Variants in CDKL1 observed in about 807,000 individuals in gnomAD.
CDKL1 encodes the protein cyclin dependent kinase like 1, also known as cyclin-dependent kinase-like 1.
CDKL1 carries 41 observed loss-of-function variants against 42.0 expected under a neutral mutation model. The ratio of observed to expected loss-of-function variants is 0.98; its 90% CI spans 0.76 to 1.27. The LOEUF (loss-of-function observed/expected upper bound fraction) is 1.27. CDKL1 is among the 50% of genes most tolerant of loss of function. The pLI, the probability that CDKL1 is intolerant of heterozygous loss-of-function variation, is 0.00. For synonymous variants in CDKL1, 153 were observed against 158.6 expected (o/e 0.96, Z 0.26); for missense variants, 394 against 428.4 (o/e 0.92, Z 0.71).
At position 50,329,742 on chromosome 14, in the gene CDKL1, G is replaced by T. The variant is rs2032835377; in HGVS notation, c.*332C>A. On this transcript the variant is annotated 3_prime_UTR_variant, in exon 10 of 10. Transcript: ENST00000395834. ...GTTCATTTTTCTTGTGTGGCATGTGGTACAACTGAAGCATAAATCTTTTTG... is the reference window on the plus strand; with the variant it reads ...GTTCATTTTTCTTGTGTGGCATGTGTTACAACTGAAGCATAAATCTTTTTG... 2 of 212,858 alleles carry T rather than the reference G, an allele frequency of 9.4e-6. No individual in the cohort carries two copies. Among genetic ancestry groups the T allele is most frequent in the African/African-American group, 4.7e-5 (2 of 42,294 alleles). 13.2% of individuals were successfully genotyped at this position (212,858 alleles called of 1,614,324 possible). A position where few individuals can be genotyped will look rare whatever the true frequency, so the allele number is the denominator to read the frequency against.
At chr14:50,336,284 G>A (rs1417844456) in intron 7 of CDKL1, 34 of 1,226,360 alleles carry the variant, frequency 2.8e-5, no homozygotes, top group Non-Finnish European at 3.5e-5. Context: ...TCTGTCAACA[G>A]GAAATCTGCA....
At chr14:50,366,255 C>A (rs1337945186) in intron 2 of CDKL1, among the ~76,000 whole-genome samples, 2 of 152,090 alleles carry the variant, frequency 1.3e-5, no homozygotes, top group Admixed American at 1.3e-4. Flanking sequence ...AGAAACTGGC[C>A]CTGAGGAAGT....
Position 50,395,702 on chromosome 14 carries a change from T to C in CDKL1, c.167A>G (p.Lys56Arg), listed in dbSNP as rs2035377825. 1.2e-6 allele frequency: 2 copies of C among 1,602,880 alleles called. No individual in the cohort carries two copies. The highest frequency in any genetic ancestry group is 2.2e-5 in the South Asian group (2 of 90,622). Residue 56 changes from lysine (K) to arginine (R), a missense_variant and splice_region_variant, in exon 2 of 10, where the codon AAG becomes AGG. Transcript: ENST00000395834. ...AAAAAGGAAAAGTGAATCAATTACC[T>C]TGAGCATTCGGATTTCCCGAAGGGC... ...KIALREIRML[K>R]QLKHPNLVNL...
intron 6 of CDKL1, among the ~76,000 whole-genome samples, chr14:50,339,526 G>A (rs2033434108): frequency 7.1e-6 from 1 of 140,518 alleles, no homozygotes; most frequent in Non-Finnish European, 1.5e-5. Context: ...GGGAGGAAGA[G>A]AGGGAGGGAG....
At position 50,328,358 on chromosome 14, in the gene CDKL1, A is replaced by G. The variant is rs188625823; in HGVS notation, c.*1716T>C. 2 of 152,306 alleles carry G rather than the reference A, an allele frequency of 1.3e-5. No homozygotes were observed. Among genetic ancestry groups the G allele is most frequent in the Admixed American group, 1.3e-4 (2 of 15,300 alleles). The allele number at this position is 152,306 out of a possible 1,614,324, so 9.4% of individuals were successfully genotyped here. The stretch of plus-strand genomic sequence containing the variant: ...CAGGTCTAGGCAAGAAAAGACATAC[A>G]TTAGGAAGCCTTAGGATATCATTAA... On this transcript the variant is annotated 3_prime_UTR_variant, in exon 10 of 10. Coordinates refer to ENST00000395834, the MANE Select transcript of CDKL1 (RefSeq NM_004196.7).
chr14:50,378,029 T>C (rs2034784418), intron 2 of CDKL1: 1 of 724,586 alleles, frequency 1.4e-6, no homozygotes, highest in Admixed American at 3.6e-5. Flanking sequence ...GTCAGGGCTA[T>C]GGTGAGAAAA....
intron 2 of CDKL1, among the ~76,000 whole-genome samples, chr14:50,359,371 G>C (rs968825900): frequency 6.6e-6 from 1 of 151,988 alleles, no homozygotes; most frequent in Admixed American, 6.6e-5. Context: ...GCAAAGAGAG[G>C]TATAAGAAGG....
At chr14:50,392,614 C>T (rs138003231) in intron 2 of CDKL1, among the ~76,000 whole-genome samples, 1,888 of 152,064 alleles carry the variant, frequency 0.012, 32 homozygotes, top group Non-Finnish European at 0.015. Context: ...ACCTTTAGTA[C>T]CTGTCCCTCC....
At chr14:50,343,155 CTTTTT>C (rs3049935) in intron 4 of CDKL1, 71 of 293,880 alleles carry the variant, frequency 2.4e-4, no homozygotes, top group South Asian at 7.6e-4. Context: ...TTAAGAGTTA[CTTTTT>C]TTTTTTTTTT....
intron 3 of CDKL1, among the ~76,000 whole-genome samples, chr14:50,345,504 C>T (rs184805320): frequency 4.6e-5 from 7 of 152,304 alleles, no homozygotes; most frequent in Non-Finnish European, 5.9e-5. Flanking sequence ...GACTCATCTT[C>T]CATGTGTGGG....
chr14:50,397,115 G>GC, upstream of CDKL1: 6 of 1,363,802 alleles, frequency 4.4e-6, no homozygotes, highest in Non-Finnish European at 5.9e-6. Flanking sequence ...AACTTCCGCA[G>GC]GCCGTGCAAA....
intron 8 of CDKL1, chr14:50,332,686 C>G (rs780872652): frequency 1.6e-4 from 243 of 1,533,308 alleles, no homozygotes; most frequent in Middle Eastern, 6.7e-4. Context: ...GCAATTGGTA[C>G]TCTGCCCTGG....
upstream of CDKL1, chr14:50,396,911 A>C (rs990107396): frequency 3.5e-6 from 1 of 286,824 alleles, no homozygotes; most frequent in Non-Finnish European, 6.1e-6. Flanking sequence ...CGCGATCCCT[A>C]TGGGAACCGG....
intron 2 of CDKL1, among the ~76,000 whole-genome samples, chr14:50,371,413 C>G (rs1200599182): frequency 6.6e-6 from 1 of 152,178 alleles, no homozygotes; most frequent in East Asian, 1.9e-4. Flanking sequence ...TTTATCACAG[C>G]CATCCTGACA....
rs1320190813 is a variant in CDKL1 at position 50,359,068 on chromosome 14, C to G, written c.250G>C (p.Asp84His). 2 of 1,612,862 alleles carry G rather than the reference C, an allele frequency of 1.2e-6. No homozygotes were observed. The highest frequency in any genetic ancestry group is 2.2e-5 in the East Asian group (1 of 44,874). Reference sequence around the variant, plus strand: ...TCCAACTCATGGAGAACTGTGTGGTCACAATATTCAAACACCAGGTGAAGC... The same window carrying G: ...TCCAACTCATGGAGAACTGTGTGGTGACAATATTCAAACACCAGGTGAAGC... ...RRLHLVFEYC[D>H]HTVLHELDRY... The change falls in exon 3 of 10, where the codon GAC becomes CAC. Residue 84 changes from aspartate (D) to histidine (H), a missense_variant. Coordinates refer to ENST00000395834, the MANE Select transcript of CDKL1 (RefSeq NM_004196.7).
chr14:50,366,388 C>T (rs2034436342), intron 2 of CDKL1, among the ~76,000 whole-genome samples: 1 of 152,176 alleles, frequency 6.6e-6, no homozygotes, highest in South Asian at 2.1e-4. Flanking sequence ...ACTTGGGTCA[C>T]TTCAGCAACT....
At chr14:50,341,441 T>G (rs999968580) in intron 5 of CDKL1, among the ~76,000 whole-genome samples, 1 of 103,492 alleles carries the variant, frequency 9.7e-6, no homozygotes. Context: ...TAAAACAGAA[T>G]CCCTGGGGAG....
intron 2 of CDKL1, among the ~76,000 whole-genome samples, chr14:50,386,240 C>G (rs984401333): frequency 6.6e-6 from 1 of 151,218 alleles, no homozygotes; most frequent in Non-Finnish European, 1.5e-5. Context: ...GAGACCAGCC[C>G]GGGCAACATA....
chr14:50,364,276 C>T (rs1458153854), intron 2 of CDKL1, among the ~76,000 whole-genome samples: 6 of 152,202 alleles, frequency 3.9e-5, no homozygotes. Context: ...CAAGACCAGC[C>T]TGGGCAACAT....
Sources: gnomAD v4.1 joint callset for allele counts (sites outside exome capture counted in the v4.1 genomes callset) on GRCh38, gnomAD v4.1.1 for gene constraint, MANE v1.5 for transcripts, NCBI Gene and HGNC (gene_info 2026-07-23, HGNC 2026-07-21) for gene names.